ARHGAP26: variants seen among roughly 807,000 people sequenced by gnomAD.
The protein encoded by ARHGAP26 is Rho GTPase activating protein 26, also known as rho GTPase-activating protein 26.
ARHGAP26 carries 38 observed loss-of-function variants against 104.8 expected under a neutral mutation model. The observed-to-expected ratio is 0.36, with a 90% CI of 0.28 to 0.48. ARHGAP26 has a LOEUF of 0.48. Ranked by LOEUF, ARHGAP26 falls within the 20% of genes least tolerant of loss-of-function variation. ARHGAP26 has a pLI of 0.99. For missense variants in ARHGAP26, 704 were observed against 947.9 expected (o/e 0.74, Z 3.38); for synonymous variants, 341 against 340.0 (o/e 1.00, Z -0.03).
chr5:142,995,385 A>G (rs778064692), intron 11 of ARHGAP26, among the ~76,000 whole-genome samples: 3 of 152,266 alleles, frequency 2.0e-5, no homozygotes, highest in Non-Finnish European at 4.4e-5. Context: ...GACAAAATTT[A>G]TGCTGCCAAC....
At chr5:142,931,092 G>A (rs1210057486) in intron 10 of ARHGAP26, among the ~76,000 whole-genome samples, 3 of 152,184 alleles carry the variant, frequency 2.0e-5, no homozygotes, top group Non-Finnish European at 2.9e-5. Context: ...ATTTTAAAGA[G>A]GATGGTTTTA....
intron 19 of ARHGAP26, among the ~76,000 whole-genome samples, chr5:143,144,198 A>T (rs1387702099): frequency 2.6e-5 from 4 of 152,122 alleles, no homozygotes; most frequent in African/African-American, 4.8e-5. Flanking sequence ...TTCTATGAGG[A>T]TACCAGAGCT....
rs1407989819 is a variant in ARHGAP26 at position 142,871,679 on chromosome 5, G to A, written c.155-1721G>A. Among the ~76,000 whole-genome samples, 4 of 151,996 alleles carry A rather than the reference G, an allele frequency of 2.6e-5. No individual in the cohort carries two copies. The highest frequency in any genetic ancestry group is 3.9e-4 in the East Asian group (2 of 5,182). On this transcript the variant is annotated intron_variant, in intron 1 of 22. Transcript: ENST00000645722. This position sits in a 1 kb window ranked among gnomAD's most constrained non-coding sequence, Gnocchi z 4.1. ...AGCCTCCTCCTGCCTTCCTGCCCAC[G>A]GTGTTCTGGCTTTTGGGTGCATCTG...
chr5:143,201,848 C>T (rs968428867), intron 20 of ARHGAP26, among the ~76,000 whole-genome samples: 5 of 152,158 alleles, frequency 3.3e-5, no homozygotes, highest in African/African-American at 7.2e-5. Context: ...TGCCATGACT[C>T]TAAAGTACAA....
At chr5:143,131,669 C>G (rs1351220792) in intron 18 of ARHGAP26, among the ~76,000 whole-genome samples, 1 of 152,216 alleles carries the variant, frequency 6.6e-6, no homozygotes, top group Non-Finnish European at 1.5e-5. Flanking sequence ...TGGGACTTCA[C>G]TCCTGGTCAC....
rs75190259 is a variant in ARHGAP26, at chr5:143,129,389, A to G, written c.1699-4578A>G. ...ACCACAGTCCTGGGACTTTTTACAG[A>G]TAAGGTCTCTGAAGGTCAGAGAGTT... On this transcript the variant is annotated intron_variant, in intron 18 of 22. Transcript: ENST00000645722. Among the ~76,000 whole-genome samples, 968 of 152,236 alleles carry G rather than the reference A, an allele frequency of 6.4e-3. 6 individuals are homozygous for G. Among genetic ancestry groups the G allele is most frequent in the African/African-American group, 0.022 (927 of 41,538 alleles).
chr5:143,140,614 G>T (rs1250342701), intron 19 of ARHGAP26, among the ~76,000 whole-genome samples: 1 of 152,028 alleles, frequency 6.6e-6, no homozygotes, highest in Non-Finnish European at 1.5e-5. Flanking sequence ...TCCCTTTGGA[G>T]CCTGCAGATT....
At chr5:143,092,313 G>A (rs1333681351) in intron 17 of ARHGAP26, among the ~76,000 whole-genome samples, 1 of 151,852 alleles carries the variant, frequency 6.6e-6, no homozygotes, top group Admixed American at 6.6e-5. Context: ...ACAGGCACCC[G>A]CTACCATGCC....
intron 1 of ARHGAP26, among the ~76,000 whole-genome samples, chr5:142,812,449 T>C (rs1186344386): frequency 6.6e-6 from 1 of 152,030 alleles, no homozygotes; most frequent in Non-Finnish European, 1.5e-5. Context: ...GCAATTCTCG[T>C]GCCTCAGCCA....
chr5:142,987,029 A>G (rs544287629), intron 11 of ARHGAP26, among the ~76,000 whole-genome samples: 12 of 152,296 alleles, frequency 7.9e-5, no homozygotes, highest in Middle Eastern at 3.4e-3. Flanking sequence ...GTTTTTTCCA[A>G]TTCTGTGAAG....
intron 1 of ARHGAP26, among the ~76,000 whole-genome samples, chr5:142,826,232 G>A (rs900932326): frequency 9.2e-5 from 14 of 152,168 alleles, no homozygotes; most frequent in Admixed American, 2.0e-4. Context: ...ATCAGGGAAC[G>A]GAGGCTGCTT....
intron 11 of ARHGAP26, among the ~76,000 whole-genome samples, chr5:142,993,801 A>G (rs74599970): frequency 1.4e-5 from 2 of 145,138 alleles, no homozygotes; most frequent in East Asian, 4.0e-4. Context: ...GCATGCCATC[A>G]TGCCCAGCTA....
At chr5:143,075,384 T>C (rs1003131261) in intron 17 of ARHGAP26, among the ~76,000 whole-genome samples, 2 of 151,334 alleles carry the variant, frequency 1.3e-5, no homozygotes, top group African/African-American at 4.8e-5. Context: ...CAAAGGGGAA[T>C]AGACTTTTAG....
chr5:142,870,755 C>T (rs1191979163), intron 1 of ARHGAP26, among the ~76,000 whole-genome samples: 2 of 152,134 alleles, frequency 1.3e-5, no homozygotes, highest in African/African-American at 4.8e-5. Context: ...ATGACTAACC[C>T]AGGGTTGGTT....
In ARHGAP26 at chr5:143,222,303, G is replaced by A. The variant is rs564926342; in HGVS notation, c.2192-55G>A. On this transcript the variant is annotated intron_variant, in intron 22 of 22. Transcript: ENST00000645722. ...CACACACCCCACACACACATCTGCC[G>A]CCTGCTCTATCTGTAATGCCATCTC... The A allele has an allele frequency of 2.0e-4, 255 of 1,304,314 alleles. 2 individuals carry two copies. In the Middle Eastern group the frequency reaches 3.4e-3, roughly 17 times the overall value. 80.8% of individuals were successfully genotyped at this position (1,304,314 alleles called of 1,614,324 possible). A position where few individuals can be genotyped will look rare whatever the true frequency, so the allele number is the denominator to read the frequency against.
At chr5:143,212,113 T>G (rs987085401) in intron 21 of ARHGAP26, among the ~76,000 whole-genome samples, 5 of 152,134 alleles carry the variant, frequency 3.3e-5, no homozygotes, top group African/African-American at 7.2e-5. Flanking sequence ...TTCCCTTACT[T>G]TTAGTCCCCC....
intron 10 of ARHGAP26, among the ~76,000 whole-genome samples, chr5:142,922,700 G>A (rs1422022501): frequency 2.0e-5 from 3 of 152,138 alleles, no homozygotes; most frequent in Non-Finnish European, 2.9e-5. Flanking sequence ...CAGAAAAGAT[G>A]AGTGATTTCA....
chr5:142,913,342 A>C, intron 10 of ARHGAP26, 49 bp downstream of exon 10: 1 of 1,537,074 alleles, frequency 6.5e-7, no homozygotes, highest in South Asian at 1.1e-5. Flanking sequence ...CTGAATTTCT[A>C]TATCTTACTT....
chr5:143,189,584 TAATAATTAA>T (rs1805624754), intron 20 of ARHGAP26, among the ~76,000 whole-genome samples: 1 of 147,104 alleles, frequency 6.8e-6, no homozygotes, highest in Non-Finnish European at 1.5e-5. Flanking sequence ...TCCATTAGGA[TAATAATTAA>T]AATATTATCA....
Sources: allele counts gnomAD v4.1 joint callset (sites outside exome capture counted in the v4.1 genomes callset), GRCh38; gene constraint gnomAD v4.1.1; non-coding constraint Gnocchi (gnomAD v3.1); transcripts MANE v1.5; gene names NCBI Gene and HGNC (gene_info 2026-07-23, HGNC 2026-07-21).